Variants in NXN observed in about 807,000 individuals in gnomAD.
NXN encodes nucleoredoxin 1.
NXN carries 16 observed loss-of-function variants against 48.6 expected under a neutral mutation model. The observed-to-expected ratio is 0.33, with a 90% CI of 0.22 to 0.50. NXN has a LOEUF of 0.50. NXN is among the 20% of genes least tolerant of loss of function. The pLI is 0.98. For synonymous variants in NXN, 281 were observed against 269.6 expected, an observed-to-expected ratio of 1.04 and a Z score of -0.41; for missense variants, 492 against 605.5, an observed-to-expected ratio of 0.81 and a Z score of 1.97.
At chr17:962,571 A>T (rs533456826) in intron 1 of NXN, among the ~76,000 whole-genome samples, 5 of 152,302 alleles carry the variant, frequency 3.3e-5, no homozygotes, top group Admixed American at 2.0e-4. Context: ...ATTAGATTTT[A>T]AAAATGTGAA....
At position 825,221 on chromosome 17, in the gene NXN, G is replaced by GA. The variant is rs34471469; in HGVS notation, c.478+739dup. 0.014 allele frequency among the ~76,000 whole-genome samples: 1,727 copies of GA among 120,916 alleles called. 26 individuals are homozygous for GA. Among genetic ancestry groups the GA allele is most frequent in the Non-Finnish European group, 0.023 (1,255 of 54,942 alleles). 79.3% of individuals were successfully genotyped at this position (120,916 alleles called of 152,430 possible). ...GACAGAGGGAGATAGTGTCTCAAGAGAAAAAAAAAAAAAAAAAAGAAAAGC... is the reference window on the plus strand; with the variant it reads ...GACAGAGGGAGATAGTGTCTCAAGAGAAAAAAAAAAAAAAAAAAAGAAAAGC... On this transcript the variant is annotated intron_variant, in intron 2 of 7. Transcript: ENST00000336868. This position sits in a 1 kb window ranked among gnomAD's most constrained non-coding sequence, Gnocchi z 4.1.
At chr17:822,489 C>G in intron 3 of NXN, 32 bp from the exon 4 acceptor site, 1 of 1,517,038 alleles carries the variant, frequency 6.6e-7, no homozygotes, top group Non-Finnish European at 9.1e-7. Context: ...CCCGCTGCGT[C>G]ACGCTGCTTC....
intron 6 of NXN, 48 bp downstream of exon 6, chr17:805,020 T>TA: frequency 6.6e-7 from 1 of 1,512,872 alleles, no homozygotes; most frequent in Non-Finnish European, 9.0e-7. Context: ...GCCCCTCCTG[T>TA]CCCGCCCCCC....
Position 849,073 on chromosome 17 carries a change from G to A in NXN, c.361-22995C>T, listed in dbSNP as rs2067895743. The stretch of plus-strand genomic sequence containing the variant: ...AGGGAGCCTGTCTGGTATGTAACAG[G>A]CTCCGGCTTCCTCTCTAGACCCTCC... On this transcript the variant is annotated intron_variant, in intron 1 of 7. Transcript: ENST00000336868. This position sits in a 1 kb window ranked among gnomAD's most constrained non-coding sequence, Gnocchi z 4.2. 6.6e-6 allele frequency among the ~76,000 whole-genome samples: 1 copy of A among 152,202 alleles called. No individual in the cohort carries two copies. The highest frequency in any genetic ancestry group is 1.5e-5 in the Non-Finnish European group (1 of 68,036).
chr17:848,643 A>T (rs72812003), intron 1 of NXN, among the ~76,000 whole-genome samples: 4,202 of 152,314 alleles, frequency 0.028, 89 homozygotes, highest in Non-Finnish European at 0.04. Context: ...ATGTCACTTT[A>T]CTTCCAAACA....
At chr17:853,723 A>ATATATATATATTTT (rs1491528474) in intron 1 of NXN, among the ~76,000 whole-genome samples, 7 of 106,000 alleles carry the variant, frequency 6.6e-5, no homozygotes, top group Non-Finnish European at 8.9e-5. Flanking sequence ...ATATATATAT[A>ATATATATATATTTT]TTTTTTTTTT....
chr17:964,587 T>C lies in NXN; in HGVS notation c.360+14732A>G, dbSNP rs147964323. 2.0e-3 allele frequency among the ~76,000 whole-genome samples: 308 copies of C among 152,256 alleles called. 2 individuals carry two copies. The highest frequency in any genetic ancestry group is 7.0e-3 in the African/African-American group (292 of 41,554). On this transcript the variant is annotated intron_variant, in intron 1 of 7. Transcript: ENST00000336868. ...GGAAACTGATTTCCCCCCAGGAAAA[T>C]GTCTGAAGGCATTTACTTCCAATTC...
intron 1 of NXN, among the ~76,000 whole-genome samples, chr17:926,544 T>TTG (rs2068801516): frequency 1.2e-5 from 1 of 86,872 alleles, no homozygotes; most frequent in Admixed American, 1.5e-4. Context: ...GTTTTTTTTT[T>TTG]GTTTTTTTGT....
intron 1 of NXN, chr17:907,881 C>T (rs909741442): frequency 2.0e-5 from 3 of 152,128 alleles, no homozygotes; most frequent in Admixed American, 1.3e-4. Flanking sequence ...TGGCTTCATG[C>T]TTGAACTGCC....
intron 1 of NXN, among the ~76,000 whole-genome samples, chr17:877,179 A>T (rs551846094): frequency 1.3e-4 from 20 of 151,210 alleles, no homozygotes; most frequent in Non-Finnish European, 2.5e-4. Flanking sequence ...ACGGAGTCTC[A>T]CTCTGTCGCC....
In NXN at chr17:958,924, T is replaced by C. The variant is rs754509506; in HGVS notation, c.360+20395A>G. On this transcript the variant is annotated intron_variant, in intron 1 of 7. Coordinates refer to ENST00000336868, the MANE Select transcript of NXN (RefSeq NM_022463.5). The surrounding 1 kb of genome is among the most constrained non-coding windows in gnomAD (Gnocchi z 6.9). ...TCCAGCCTGGGTGACAGCCTGAGAC[T>C]TGTCTTTAAAAAAGAAACACACACA... 7.6e-5 allele frequency: 12 copies of C among 156,932 alleles called. No individual in the cohort carries two copies. The highest frequency in any genetic ancestry group is 1.4e-4 in the Non-Finnish European group (10 of 71,636). 9.7% of individuals were successfully genotyped at this position (156,932 alleles called of 1,614,324 possible).
rs141298712 is a variant in NXN, at chr17:908,711, C to T, written c.360+70608G>A. Among the ~76,000 whole-genome samples the T allele has an allele frequency of 2.2e-4, 34 of 152,288 alleles. No individual in the cohort carries two copies. The East Asian group carries it at 6.4e-3, about 29-fold the overall frequency. ...TCCCATGAGCACCAACAACTGTCTT[C>T]AGACCAAAAATTCAAGACTACAGGT... is the stretch of plus-strand genomic sequence containing the variant. On this transcript the variant is annotated intron_variant, in intron 1 of 7. Transcript: ENST00000336868.
In NXN at chr17:802,374, C is replaced by G. The variant is rs1281805487; in HGVS notation, c.1126-1243G>C. ...GCCTTGGAGCAGCCCCTCGTCCACT[C>G]TGAACCTTGCCTCCCTCCCCTGTGA... On this transcript the variant is annotated intron_variant, in intron 7 of 7. Coordinates refer to ENST00000336868, the MANE Select transcript of NXN (RefSeq NM_022463.5). 2.6e-5 allele frequency among the ~76,000 whole-genome samples: 4 copies of G among 152,350 alleles called. No homozygotes were observed. The East Asian group carries it at 5.8e-4, about 22-fold the overall frequency.
chr17:812,843 GGTGTGTGCATGTGTGTAGGT>G (rs1567812857), intron 5 of NXN, among the ~76,000 whole-genome samples: 2 of 146,166 alleles, frequency 1.4e-5, no homozygotes, highest in Admixed American at 6.9e-5. Flanking sequence ...TGTGAGTGTA[GGTGTGTGCATGTGTGTAGGT>G]GTGTGTGGGT....
At chr17:852,512 A>G (rs2067934766) in intron 1 of NXN, among the ~76,000 whole-genome samples, 2 of 152,140 alleles carry the variant, frequency 1.3e-5, no homozygotes, top group Non-Finnish European at 2.9e-5. Flanking sequence ...ACGTCCAGAA[A>G]ATTTCAGGGG....
In NXN at chr17:870,408, C is replaced by T. The variant is rs77132143; in HGVS notation, c.361-44330G>A. 9.6e-3 allele frequency among the ~76,000 whole-genome samples: 1,435 copies of T among 150,218 alleles called. 32 individuals carry two copies. The highest frequency in any genetic ancestry group is 0.033 in the African/African-American group (1,372 of 41,438). ...CTGTTATCACGTGATCAGAGTGAGG[C>T]GGCCTAAGGGAGCATCACAGGATGG... On this transcript the variant is annotated intron_variant, in intron 1 of 7. Transcript: ENST00000336868.
intron 1 of NXN, among the ~76,000 whole-genome samples, chr17:945,414 T>C (rs2069031323): frequency 6.6e-6 from 1 of 151,450 alleles, no homozygotes; most frequent in African/African-American, 2.4e-5. Context: ...CCCTGGGGAA[T>C]AGATAAGAGT....
intron 1 of NXN, among the ~76,000 whole-genome samples, chr17:957,992 C>G (rs986322453): frequency 6.6e-6 from 1 of 151,284 alleles, no homozygotes; most frequent in African/African-American, 2.5e-5. Flanking sequence ...CCACGGAGCA[C>G]GGGCAGCCCC....
intron 1 of NXN, among the ~76,000 whole-genome samples, chr17:979,047 G>T (rs1023075979): frequency 6.9e-6 from 1 of 144,698 alleles, no homozygotes; most frequent in South Asian, 2.2e-4. Flanking sequence ...TCCAGGGCGG[G>T]CGCAGCGCAG....
Sources: gnomAD v4.1 joint callset for allele counts (sites outside exome capture counted in the v4.1 genomes callset) on GRCh38, gnomAD v4.1.1 for gene constraint, Gnocchi (gnomAD v3.1) non-coding constraint, MANE v1.5 for transcripts, NCBI Gene and HGNC (gene_info 2026-07-23, HGNC 2026-07-21) for gene names.